ERC2: variants seen among roughly 807,000 people sequenced by gnomAD.
ERC2 encodes the protein ELKS/RAB6-interacting/CAST family member 2.
Under a neutral mutation model 114.8 loss-of-function variants are expected in ERC2, and 42 were observed. That is an observed-to-expected ratio of 0.37 (90% confidence interval 0.29 to 0.47). The LOEUF is 0.47. Ranked by LOEUF, ERC2 falls within the 20% of genes least tolerant of loss-of-function variation. The pLI is 0.99. For synonymous variants in ERC2, 454 were observed against 425.5 expected (o/e 1.07, Z -0.82); for missense variants, 939 against 1,150.7 (o/e 0.82, Z 2.66).
intron 2 of ERC2, among the ~76,000 whole-genome samples, chr3:56,380,916 A>G (rs2059724694): frequency 6.6e-6 from 1 of 152,234 alleles, no homozygotes; most frequent in African/African-American, 2.4e-5. Context: ...AACTAGGCCA[A>G]TTTACACCTA....
intron 3 of ERC2, among the ~76,000 whole-genome samples, chr3:56,253,882 C>T (rs2052344373): frequency 6.6e-6 from 1 of 152,162 alleles, no homozygotes; most frequent in East Asian, 1.9e-4. Context: ...CCAGCCTGGG[C>T]TACAGAGGAA....
At chr3:56,187,185 T>C (rs1575739702) in intron 3 of ERC2, among the ~76,000 whole-genome samples, 3 of 152,268 alleles carry the variant, frequency 2.0e-5, no homozygotes. Context: ...CCTCTGCCTG[T>C]GGGTTCCCCC....
At chr3:56,392,391 C>G (rs111497416) in intron 2 of ERC2, among the ~76,000 whole-genome samples, 1,688 of 152,290 alleles carry the variant, frequency 0.011, 30 homozygotes, top group African/African-American at 0.038. Flanking sequence ...AAAGTATCCT[C>G]TATCTTTCTT....
At chr3:56,025,252 A>T (rs2073967390) in intron 7 of ERC2, among the ~76,000 whole-genome samples, 1 of 152,212 alleles carries the variant, frequency 6.6e-6, no homozygotes. Context: ...TTAAACACAA[A>T]GATTTAAGTC....
chr3:55,878,056 T>C lies in ERC2; in HGVS notation c.2564+10333A>G, dbSNP rs73831803. Among the ~76,000 whole-genome samples the C allele has an allele frequency of 9.7e-3, 1,478 of 152,282 alleles. 33 individuals carry two copies. Among genetic ancestry groups the C allele is most frequent in the African/African-American group, 0.034 (1,395 of 41,546 alleles). ...GAATATTTCTTTTCCCTTTTCTTAA[T>C]GGGTGACCTTCCCTAGCCCCCATGC... is the stretch of plus-strand genomic sequence containing the variant. On this transcript the variant is annotated intron_variant, in intron 14 of 17. Coordinates refer to ENST00000288221, the MANE Select transcript of ERC2 (RefSeq NM_015576.3).
intron 3 of ERC2, among the ~76,000 whole-genome samples, chr3:56,218,539 G>C (rs558033644): frequency 4.6e-5 from 7 of 152,322 alleles, no homozygotes; most frequent in Admixed American, 2.6e-4. Flanking sequence ...TACACTGTTG[G>C]TGGGACTGTA....
intron 17 of ERC2, among the ~76,000 whole-genome samples, chr3:55,533,151 G>A (rs1042529490): frequency 2.6e-5 from 4 of 152,212 alleles, no homozygotes; most frequent in African/African-American, 9.6e-5. Flanking sequence ...CACAGGGTTA[G>A]CAAATCCTGT....
rs1379987892 is a variant in ERC2, at chr3:55,831,446, G to A, written c.2564+56943C>T. ...AGGGAAGGGAAGGGAGGGAAGGGGA[G>A]GGGAGAGGAGGGAAGGGCAGGAAAT... On this transcript the variant is annotated intron_variant, in intron 14 of 17. Coordinates refer to ENST00000288221, the MANE Select transcript of ERC2 (RefSeq NM_015576.3). Among the ~76,000 whole-genome samples, 3 of 131,456 alleles carry A rather than the reference G, an allele frequency of 2.3e-5. No individual in the cohort carries two copies. In the Admixed American group the frequency reaches 2.3e-4, roughly 10 times the overall value. 86.2% of individuals were successfully genotyped at this position (131,456 alleles called of 152,430 possible). A position where few individuals can be genotyped will look rare whatever the true frequency, so the allele number is the denominator to read the frequency against.
chr3:56,449,383 C>G (rs72875358), intron 1 of ERC2, among the ~76,000 whole-genome samples: 10,138 of 152,232 alleles, frequency 0.067, 643 homozygotes, highest in African/African-American at 0.16. Flanking sequence ...CTCCAGTGGA[C>G]GGTGCAGTCA....
At chr3:55,538,397 G>T (rs2054138714) in intron 17 of ERC2, among the ~76,000 whole-genome samples, 1 of 152,196 alleles carries the variant, frequency 6.6e-6, no homozygotes, top group Admixed American at 6.5e-5. Flanking sequence ...TTTGTTGGCA[G>T]CAATCACCAT....
At chr3:56,447,942 C>T (rs565241185) in intron 1 of ERC2, among the ~76,000 whole-genome samples, 1 of 152,176 alleles carries the variant, frequency 6.6e-6, no homozygotes, top group East Asian at 1.9e-4. Flanking sequence ...GGGGCTTTGA[C>T]ATTTTGTTCA....
intron 3 of ERC2, among the ~76,000 whole-genome samples, chr3:56,237,380 A>C (rs1456603351): frequency 6.6e-6 from 1 of 152,158 alleles, no homozygotes; most frequent in African/African-American, 2.4e-5. Context: ...AACTCTGTTA[A>C]AAAAATTATT....
At chr3:55,873,588 C>T (rs900329585) in intron 14 of ERC2, among the ~76,000 whole-genome samples, 2 of 152,234 alleles carry the variant, frequency 1.3e-5, no homozygotes, top group African/African-American at 4.8e-5. Context: ...ATGATGGCCC[C>T]AAGGCCCTGG....
At chr3:55,945,268 T>G (rs925406304) in intron 13 of ERC2, among the ~76,000 whole-genome samples, 10 of 152,100 alleles carry the variant, frequency 6.6e-5, no homozygotes, top group Admixed American at 2.0e-4. Flanking sequence ...CTAAATAAAC[T>G]CATTTTGACA....
chr3:55,958,239 G>C (rs999553789), intron 12 of ERC2, among the ~76,000 whole-genome samples: 1 of 152,176 alleles, frequency 6.6e-6, no homozygotes, highest in Non-Finnish European at 1.5e-5. Flanking sequence ...TCCACAGGCA[G>C]GTTGTCCTGA....
chr3:56,399,486 T>C (rs964381332), intron 2 of ERC2, among the ~76,000 whole-genome samples: 1 of 152,218 alleles, frequency 6.6e-6, no homozygotes. Context: ...AATAAATTAT[T>C]TCATTACATT....
chr3:55,705,057 A>T (rs1366249344), intron 15 of ERC2, among the ~76,000 whole-genome samples: 1 of 152,146 alleles, frequency 6.6e-6, no homozygotes, highest in Non-Finnish European at 1.5e-5. Context: ...CAGTGTCATG[A>T]AGGGTAAGGT....
chr3:55,622,332 T>A (rs1406214609), intron 17 of ERC2, among the ~76,000 whole-genome samples: 1 of 152,188 alleles, frequency 6.6e-6, no homozygotes, highest in East Asian at 1.9e-4. Context: ...CAGCAGCCAG[T>A]GGATTCTCAA....
intron 3 of ERC2, among the ~76,000 whole-genome samples, chr3:56,186,793 C>T (rs2083651121): frequency 6.6e-6 from 1 of 152,188 alleles, no homozygotes; most frequent in African/African-American, 2.4e-5. Flanking sequence ...CCCACCTCGG[C>T]CTCCCAAAGT....
Sources: gnomAD v4.1 joint callset for allele counts (sites outside exome capture counted in the v4.1 genomes callset) on GRCh38, gnomAD v4.1.1 for gene constraint, MANE v1.5 for transcripts, NCBI Gene and HGNC (gene_info 2026-07-23, HGNC 2026-07-21) for gene names.